NSMCE2: variants seen among roughly 807,000 people sequenced by gnomAD.
NSMCE2 encodes NSE2 SUMO ligase component of SMC5/6 complex.
A neutral mutation model predicts 23.8 loss-of-function variants in NSMCE2; 24 were observed. That is an observed-to-expected ratio of 1.01 (90% confidence interval 0.73 to 1.42). The LOEUF is 1.42. NSMCE2 is among the 40% of genes most tolerant of loss of function. The pLI is 0.00. For missense variants in NSMCE2, 284 were observed against 296.5 expected (o/e 0.96, Z 0.31); for synonymous variants, 92 against 94.1 (o/e 0.98, Z 0.13).
At chr8:125,126,443 G>A (rs1165940697) in intron 3 of NSMCE2, among the ~76,000 whole-genome samples, 6 of 151,990 alleles carry the variant, frequency 3.9e-5, no homozygotes, top group African/African-American at 7.3e-5. Context: ...AGACCATGAG[G>A]AATAGTGTCC....
chr8:125,224,393 G>A (rs145902616), intron 5 of NSMCE2, among the ~76,000 whole-genome samples: 66 of 152,222 alleles, frequency 4.3e-4, no homozygotes, highest in African/African-American at 1.6e-3. Context: ...CAATGTCGTG[G>A]AGCTATTCCT....
intron 4 of NSMCE2, chr8:125,156,116 T>TAA (rs202236536): frequency 5.8e-5 from 15 of 258,200 alleles, no homozygotes; most frequent in South Asian, 1.0e-4. Context: ...TCCATCTCTT[T>TAA]AAAAAAAAAA....
At chr8:125,206,171 T>C (rs1378145758) in intron 5 of NSMCE2, among the ~76,000 whole-genome samples, 1 of 152,194 alleles carries the variant, frequency 6.6e-6, no homozygotes, top group Non-Finnish European at 1.5e-5. Flanking sequence ...GGAAATACTG[T>C]AAGCCATGAA....
At chr8:125,254,522 A>G (rs1323608067) in intron 5 of NSMCE2, among the ~76,000 whole-genome samples, 3 of 152,234 alleles carry the variant, frequency 2.0e-5, no homozygotes, top group African/African-American at 7.2e-5. Flanking sequence ...TTCACCATAT[A>G]TAGCAAATCC....
At chr8:125,108,625 T>A (rs1450551499) in intron 3 of NSMCE2, among the ~76,000 whole-genome samples, 1 of 152,226 alleles carries the variant, frequency 6.6e-6, no homozygotes, top group Non-Finnish European at 1.5e-5. Flanking sequence ...ACAATGTTAA[T>A]TCAATAGCTA....
At chr8:125,247,452 A>AT (rs1307257488) in intron 5 of NSMCE2, among the ~76,000 whole-genome samples, 1 of 152,116 alleles carries the variant, frequency 6.6e-6, no homozygotes, top group African/African-American at 2.4e-5. Flanking sequence ...ACCAGTTAAG[A>AT]TTTGGCTCAC....
chr8:125,171,794 A>T lies in NSMCE2; in HGVS notation c.265-10309A>T, dbSNP rs183654975. Among the ~76,000 whole-genome samples the T allele has an allele frequency of 3.3e-5, 5 of 152,314 alleles. No homozygotes were observed. The East Asian group carries it at 7.7e-4, about 24-fold the overall frequency. On this transcript the variant is annotated intron_variant, in intron 4 of 7. Coordinates refer to ENST00000287437, the MANE Select transcript of NSMCE2 (RefSeq NM_173685.4). ...GTGATCATTTGAGTGCTTACCAAGT[A>T]CTAGAGAGTATTCTCTAAGTCAGCA...
intron 5 of NSMCE2, among the ~76,000 whole-genome samples, chr8:125,300,112 C>T (rs967169422): frequency 6.6e-6 from 1 of 151,654 alleles, no homozygotes; most frequent in African/African-American, 2.4e-5. Context: ...AGCCACTACA[C>T]CTGGACAATT....
Position 125,316,639 on chromosome 8 carries a change from TTTCCTTCTTTCCTTCTTTCCTTCC to T in NSMCE2, c.419-40564_419-40541del, listed in dbSNP as rs1829197222. Among the ~76,000 whole-genome samples, 4 of 54,232 alleles carry T rather than the reference TTTCCTTCTTTCCTTCTTTCCTTCC, an allele frequency of 7.4e-5. No individual in the cohort carries two copies. The South Asian group carries it at 3.9e-3, about 53-fold the overall frequency. 35.6% of individuals were successfully genotyped at this position (54,232 alleles called of 152,430 possible). A position where few individuals can be genotyped will look rare whatever the true frequency, so the allele number is the denominator to read the frequency against. On this transcript the variant is annotated intron_variant, in intron 5 of 7. Coordinates refer to ENST00000287437, the MANE Select transcript of NSMCE2 (RefSeq NM_173685.4). ...TTTATTTCCTTCTTTCCTTTCTTTA[TTTCCTTCTTTCCTTCTTTCCTTCC>T]TTCCTTCTTTCCTTCCTTCTTATCT...
chr8:125,194,824 A>G (rs908765837), intron 5 of NSMCE2, among the ~76,000 whole-genome samples: 2 of 152,162 alleles, frequency 1.3e-5, no homozygotes, highest in Non-Finnish European at 2.9e-5. Context: ...TGCTATTCTA[A>G]TAAGTATGTA....
At chr8:125,097,974 T>C (rs1194063709) in intron 1 of NSMCE2, among the ~76,000 whole-genome samples, 1 of 152,162 alleles carries the variant, frequency 6.6e-6, no homozygotes, top group Non-Finnish European at 1.5e-5. Context: ...GGCATCTCTG[T>C]CTTATTAGCA....
intron 3 of NSMCE2, among the ~76,000 whole-genome samples, chr8:125,120,830 G>T (rs1042123619): frequency 6.6e-6 from 1 of 152,156 alleles, no homozygotes; most frequent in Non-Finnish European, 1.5e-5. Flanking sequence ...TGACCAAGTC[G>T]CAAGAGGCGC....
At chr8:125,113,529 C>A (rs984071166) in intron 3 of NSMCE2, among the ~76,000 whole-genome samples, 11 of 152,054 alleles carry the variant, frequency 7.2e-5, no homozygotes, top group African/African-American at 2.7e-4. Flanking sequence ...AAAAGAACAA[C>A]TTATGAGAAA....
chr8:125,201,622 G>T (rs1823879601), intron 5 of NSMCE2, among the ~76,000 whole-genome samples: 1 of 152,236 alleles, frequency 6.6e-6, no homozygotes. Flanking sequence ...ACTGGGAGTT[G>T]TCTTCCAGTT....
At chr8:125,165,544 G>A (rs924440834) in intron 4 of NSMCE2, among the ~76,000 whole-genome samples, 7 of 152,152 alleles carry the variant, frequency 4.6e-5, no homozygotes, top group Non-Finnish European at 7.3e-5. Context: ...ATCTTACAGT[G>A]CAACATGTAA....
chr8:125,250,138 C>T (rs146378542), intron 5 of NSMCE2, among the ~76,000 whole-genome samples: 1 of 152,106 alleles, frequency 6.6e-6, no homozygotes, highest in South Asian at 2.1e-4. Flanking sequence ...TACAGTCATG[C>T]ACCACCATGC....
chr8:125,199,760 A>G (rs746191620), intron 5 of NSMCE2, among the ~76,000 whole-genome samples: 19 of 152,088 alleles, frequency 1.2e-4, no homozygotes, highest in Non-Finnish European at 2.1e-4. Flanking sequence ...TTATCAGTCT[A>G]ATATTGACAG....
chr8:125,342,184 G>C (rs533264243), intron 5 of NSMCE2, among the ~76,000 whole-genome samples: 42 of 152,260 alleles, frequency 2.8e-4, no homozygotes, highest in Middle Eastern at 3.4e-3. Flanking sequence ...GGTTCTACTT[G>C]TGCTCACTCG....
intron 3 of NSMCE2, among the ~76,000 whole-genome samples, chr8:125,150,801 TAA>T (rs1820971158): frequency 6.6e-6 from 1 of 152,200 alleles, no homozygotes; most frequent in Non-Finnish European, 1.5e-5. Context: ...GCAACAGATA[TAA>T]GACAGAGCTG....
Sources: allele counts gnomAD v4.1 joint callset (sites outside exome capture counted in the v4.1 genomes callset), GRCh38; gene constraint gnomAD v4.1.1; transcripts MANE v1.5; gene names NCBI Gene and HGNC (gene_info 2026-07-23, HGNC 2026-07-21).